Variants in CRPPA observed in about 807,000 individuals in gnomAD.
CRPPA encodes the protein D-ribitol-5-phosphate cytidylyltransferase.
A neutral mutation model predicts 52.0 loss-of-function variants in CRPPA; 43 were observed. The observed-to-expected ratio is 0.83, with a 90% CI of 0.65 to 1.07. CRPPA has a LOEUF of 1.07. Ranked by LOEUF, CRPPA falls within the 50% of genes least tolerant of loss-of-function variation. The pLI is 0.00. For synonymous variants in CRPPA, 250 were observed against 203.5 expected (o/e 1.23, Z -1.94); for missense variants, 629 against 551.7 (o/e 1.14, Z -1.40).
chr7:16,114,846 C>T (rs905071668), intron 9 of CRPPA, among the ~76,000 whole-genome samples: 5 of 151,996 alleles, frequency 3.3e-5, no homozygotes, highest in African/African-American at 1.2e-4. Context: ...AATTAGGTAT[C>T]GTGTAAACCC....
intron 2 of CRPPA, among the ~76,000 whole-genome samples, chr7:16,379,110 A>G (rs1176661647): frequency 6.6e-6 from 1 of 152,070 alleles, no homozygotes; most frequent in African/African-American, 2.4e-5. Flanking sequence ...TCTTTAGTTT[A>G]ATTAGATCCC....
intron 9 of CRPPA, among the ~76,000 whole-genome samples, chr7:16,184,480 T>A (rs1162402317): frequency 1.3e-5 from 2 of 152,196 alleles, no homozygotes; most frequent in African/African-American, 4.8e-5. Flanking sequence ...GTAAATAAAG[T>A]AAATGACTTC....
intron 8 of CRPPA, among the ~76,000 whole-genome samples, chr7:16,245,496 A>G (rs1783244807): frequency 6.6e-6 from 1 of 152,148 alleles, no homozygotes; most frequent in African/African-American, 2.4e-5. Flanking sequence ...AAACACCCAG[A>G]CACTATTCAC....
chr7:16,251,135 C>A (rs1241010933), intron 8 of CRPPA, among the ~76,000 whole-genome samples: 2 of 151,954 alleles, frequency 1.3e-5, no homozygotes, highest in Non-Finnish European at 2.9e-5. Context: ...CAAGGAAGGG[C>A]ATTACCTATG....
intron 8 of CRPPA, among the ~76,000 whole-genome samples, chr7:16,247,080 T>C (rs1332251845): frequency 6.6e-6 from 1 of 152,262 alleles, no homozygotes; most frequent in Non-Finnish European, 1.5e-5. Flanking sequence ...TTATCTCAGC[T>C]AGATCTTCTG....
At chr7:16,368,189 C>T (rs1004100503) in intron 3 of CRPPA, among the ~76,000 whole-genome samples, 10 of 152,298 alleles carry the variant, frequency 6.6e-5, no homozygotes, top group African/African-American at 2.4e-4. Context: ...AAGAATTTCA[C>T]ATTTGAAGAT....
At chr7:16,255,589 A>G (rs1196468316) in intron 8 of CRPPA, among the ~76,000 whole-genome samples, 1 of 152,180 alleles carries the variant, frequency 6.6e-6, no homozygotes, top group Non-Finnish European at 1.5e-5. Flanking sequence ...GGGTACCAAA[A>G]CAGATATATA....
chr7:16,223,232 A>C (rs74901096), intron 8 of CRPPA, among the ~76,000 whole-genome samples: 3,625 of 152,310 alleles, frequency 0.024, 116 homozygotes, highest in African/African-American at 0.079. Flanking sequence ...TAATGTTAAA[A>C]GTCTCAACAT....
intron 9 of CRPPA, among the ~76,000 whole-genome samples, chr7:16,102,596 A>C (rs191816096): frequency 9.5e-4 from 144 of 151,870 alleles, no homozygotes; most frequent in Middle Eastern, 6.8e-3. Context: ...CAAGGAACTT[A>C]AACAAATTTA....
At chr7:16,104,993 T>C (rs1782122918) in intron 9 of CRPPA, among the ~76,000 whole-genome samples, 1 of 151,882 alleles carries the variant, frequency 6.6e-6, no homozygotes, top group Non-Finnish European at 1.5e-5. Context: ...GAAGACAGAC[T>C]TGAAATGTCT....
chr7:16,131,531 T>C (rs1782681049), intron 9 of CRPPA, among the ~76,000 whole-genome samples: 1 of 152,130 alleles, frequency 6.6e-6, no homozygotes, highest in African/African-American at 2.4e-5. Context: ...AGTACAAAGC[T>C]AGCACATTTT....
At chr7:16,349,358 A>ATTTTTTT (rs1198138230) in intron 3 of CRPPA, among the ~76,000 whole-genome samples, 2 of 152,348 alleles carry the variant, frequency 1.3e-5, no homozygotes, top group East Asian at 3.9e-4. Flanking sequence ...AGACAGGCAG[A>ATTTTTTT]TGTTTTACCT....
At chr7:16,348,611 G>A (rs1281703275) in intron 3 of CRPPA, among the ~76,000 whole-genome samples, 1 of 152,194 alleles carries the variant, frequency 6.6e-6, no homozygotes, top group African/African-American at 2.4e-5. Flanking sequence ...CGCCCTTTGG[G>A]AACAGTGCAG....
rs1208084119 is a variant in CRPPA, at chr7:16,190,379, G to A, written c.1251+25687C>T. Among the ~76,000 whole-genome samples the A allele has an allele frequency of 3.3e-5, 5 of 152,084 alleles. No homozygotes were observed. The East Asian group carries it at 9.6e-4, about 29-fold the overall frequency. ...AGACTTGAAGCTGTTTTAGGTAATA[G>A]GAACAAACGAATTAAGTATGGTAAA... On this transcript the variant is annotated intron_variant, in intron 9 of 9. Transcript: ENST00000407010.
In CRPPA at chr7:16,091,505, C is replaced by A; in HGVS notation, c.*190G>T. On this transcript the variant is annotated 3_prime_UTR_variant, in exon 10 of 10. Transcript: ENST00000407010. The stretch of plus-strand genomic sequence containing the variant: ...GTTCAGGCAATTAATATTTGTCATA[C>A]ACAAAAGTATTCTTTATTTCACAGA... The A allele has an allele frequency of 2.2e-6, 1 of 460,128 alleles. No individual in the cohort carries two copies. Among genetic ancestry groups the A allele is most frequent in the Non-Finnish European group, 3.8e-6 (1 of 265,168 alleles). 28.5% of individuals were successfully genotyped at this position (460,128 alleles called of 1,614,324 possible). A position where few individuals can be genotyped will look rare whatever the true frequency, so the allele number is the denominator to read the frequency against.
intron 9 of CRPPA, among the ~76,000 whole-genome samples, chr7:16,127,184 T>C (rs1527215): frequency 0.5 from 76,084 of 151,858 alleles, 19,527 homozygotes; most frequent in East Asian, 0.79. Context: ...AAAAGCATTT[T>C]GCATTATTCA....
intron 5 of CRPPA, among the ~76,000 whole-genome samples, chr7:16,292,487 A>G (rs188081270): frequency 6.6e-6 from 1 of 152,110 alleles, no homozygotes; most frequent in Non-Finnish European, 1.5e-5. Context: ...AGGAAGAATT[A>G]GAATTCAAGC....
intron 9 of CRPPA, among the ~76,000 whole-genome samples, chr7:16,156,698 T>G (rs1437232146): frequency 6.6e-6 from 1 of 152,128 alleles, no homozygotes; most frequent in South Asian, 2.1e-4. Context: ...AATACAGAGG[T>G]TTCATGGCAA....
chr7:16,345,406 A>G (rs1316881952), intron 3 of CRPPA, among the ~76,000 whole-genome samples: 1 of 152,212 alleles, frequency 6.6e-6, no homozygotes, highest in African/African-American at 2.4e-5. Context: ...GAATCTACAT[A>G]AAGAGGACCA....
Sources: gnomAD v4.1 joint callset for allele counts (sites outside exome capture counted in the v4.1 genomes callset) on GRCh38, gnomAD v4.1.1 for gene constraint, MANE v1.5 for transcripts, NCBI Gene and HGNC (gene_info 2026-07-23, HGNC 2026-07-21) for gene names.